KANSL1: variants seen among roughly 807,000 people sequenced by gnomAD.
The protein encoded by KANSL1 is MLL1/MLL complex subunit KANSL1.
A neutral mutation model predicts 103.6 loss-of-function variants in KANSL1; 22 were observed. The observed-to-expected ratio is 0.21, with a 90% CI of 0.15 to 0.30. The LOEUF (loss-of-function observed/expected upper bound fraction) is 0.30. Ranked by LOEUF, KANSL1 falls within the 10% of genes least tolerant of loss-of-function variation. KANSL1 has a pLI of 1.00. For synonymous variants in KANSL1, 600 were observed against 527.6 expected (o/e 1.14, Z -1.88); for missense variants, 1,337 against 1,399.8 (o/e 0.96, Z 0.72).
At chr17:46,200,144 A>G (rs193137282) in intron 1 of KANSL1, among the ~76,000 whole-genome samples, 1 of 152,334 alleles carries the variant, frequency 6.6e-6, no homozygotes, top group Admixed American at 6.5e-5. Context: ...AATAACTAGA[A>G]TGTGTGAACG....
chr17:46,116,147 T>G (rs1199923106), intron 2 of KANSL1, among the ~76,000 whole-genome samples: 1 of 152,248 alleles, frequency 6.6e-6, no homozygotes, highest in Non-Finnish European at 1.5e-5. Flanking sequence ...TAGGATTTTA[T>G]ACTTCACAAA....
At chr17:46,105,880 CACACACACACACAGAGCAAGGCCTTG>C (rs1400546046) in intron 2 of KANSL1, among the ~76,000 whole-genome samples, 8 of 95,236 alleles carry the variant, frequency 8.4e-5, no homozygotes, top group South Asian at 3.2e-4. Flanking sequence ...CACACACACA[CACACACACACACAGAGCAAGGCCTTG>C]ACACACACAC....
intron 6 of KANSL1, among the ~76,000 whole-genome samples, chr17:46,064,100 T>C (rs2078286182): frequency 7.1e-6 from 1 of 140,066 alleles, no homozygotes; most frequent in Admixed American, 7.2e-5. Flanking sequence ...GAAATGTCAA[T>C]ATGAAAACCC....
chr17:46,124,469 A>C (rs1364686883), intron 2 of KANSL1, among the ~76,000 whole-genome samples: 3 of 152,244 alleles, frequency 2.0e-5, no homozygotes, highest in Non-Finnish European at 4.4e-5. Flanking sequence ...TCCTGTTATC[A>C]TGCCTGTTAA....
chr17:46,181,459 C>T (rs140284402), intron 1 of KANSL1, among the ~76,000 whole-genome samples: 1 of 151,768 alleles, frequency 6.6e-6, no homozygotes, highest in Non-Finnish European at 1.5e-5. Context: ...GACAAAGTCT[C>T]GCTCTTGTCC....
chr17:46,181,444 T>C (rs933303584), intron 1 of KANSL1, among the ~76,000 whole-genome samples: 15 of 152,216 alleles, frequency 9.9e-5, no homozygotes, highest in Non-Finnish European at 2.2e-4. Flanking sequence ...TTTTTTTTTT[T>C]TTGAGACAAA....
Position 46,215,036 on chromosome 17 carries a change from C to G in KANSL1, c.-90+8635G>C, listed in dbSNP as rs553383795. 4.6e-5 allele frequency: 7 copies of G among 152,424 alleles called. No homozygotes were observed. The South Asian group carries it at 1.0e-3, about 23-fold the overall frequency. The allele number at this position is 152,424 out of a possible 1,614,324, so 9.4% of individuals were successfully genotyped here. On this transcript the variant is annotated intron_variant, in intron 1 of 14. Transcript: ENST00000572904. ...CAGAGGAAGCACTCAGTGTCAGCTACTGTTATTACTATTATCACTACTGTT... is the reference window on the plus strand; with the variant it reads ...CAGAGGAAGCACTCAGTGTCAGCTAGTGTTATTACTATTATCACTACTGTT...
At chr17:46,167,892 G>T (rs771358075) in intron 2 of KANSL1, among the ~76,000 whole-genome samples, 43 of 152,218 alleles carry the variant, frequency 2.8e-4, no homozygotes, top group Non-Finnish European at 5.1e-4. Flanking sequence ...TGAAGAAAGG[G>T]ATTATAATTT....
intron 2 of KANSL1, among the ~76,000 whole-genome samples, chr17:46,139,570 T>C (rs1011374640): frequency 1.3e-5 from 2 of 152,330 alleles, no homozygotes; most frequent in East Asian, 3.9e-4. Context: ...ACCCAGCCTT[T>C]GGAGTGATAT....
At position 46,171,749 on chromosome 17, in the gene KANSL1, T is replaced by G. The variant is rs1273044044; in HGVS notation, c.395A>C (p.Glu132Ala). 6.3e-7 allele frequency: 1 copy of G among 1,589,002 alleles called. No individual in the cohort carries two copies. Among genetic ancestry groups the G allele is most frequent in the South Asian group, 1.1e-5 (1 of 87,920 alleles). The change falls in exon 2 of 15, where the codon GAG becomes GCG. Residue 132 changes from glutamate to alanine, a missense_variant. Glu to Ala is a moderately radical substitution (Grantham distance 107). This residue lies in a region of KANSL1 where 557 missense variants were observed against 476.4 expected (regional missense o/e 1.17). Coordinates refer to ENST00000432791, the MANE Select transcript of KANSL1 (RefSeq NM_015443.4). ...AELLGRQPVL[E>A]FSLENLRTMN... ...GGTTCTAAGATTTTCTAAGGAAAAC[T>G]CCAAAACTGGCTGTCTCCCCAACAG...
At chr17:46,225,008 C>G (rs1483652861), upstream of KANSL1, 1 of 151,352 alleles carries the variant, frequency 6.6e-6, no homozygotes, top group Non-Finnish European at 1.5e-5. Context: ...AGGTCCGCTC[C>G]GCGCCCCCGG....
At chr17:46,101,201 G>A (rs1366550742) in intron 2 of KANSL1, among the ~76,000 whole-genome samples, 1 of 152,074 alleles carries the variant, frequency 6.6e-6, no homozygotes, top group Non-Finnish European at 1.5e-5. Flanking sequence ...GCAGGAATGA[G>A]AAATCTTGAA....
chr17:46,114,046 G>A lies in KANSL1; in HGVS notation c.1290-19345C>T, dbSNP rs188803362. Among the ~76,000 whole-genome samples, 12 of 152,244 alleles carry A rather than the reference G, an allele frequency of 7.9e-5. No homozygotes were observed. In the East Asian group the frequency reaches 2.1e-3, roughly 27 times the overall value. ...ATAAGCCAAGTCAGACTGTCAAACCGTTAAAGCAAACTGATAAGAAAAAGA... is the reference window on the plus strand; with the variant it reads ...ATAAGCCAAGTCAGACTGTCAAACCATTAAAGCAAACTGATAAGAAAAAGA... On this transcript the variant is annotated intron_variant, in intron 2 of 14. Coordinates refer to ENST00000432791, the MANE Select transcript of KANSL1 (RefSeq NM_015443.4).
At chr17:46,066,905 A>C (rs969359956) in intron 5 of KANSL1, among the ~76,000 whole-genome samples, 173 bp from the exon 6 acceptor site, 1 of 152,236 alleles carries the variant, frequency 6.6e-6, no homozygotes, top group Non-Finnish European at 1.5e-5. Flanking sequence ...GATGTCTGTT[A>C]ATCTACCTGT....
At chr17:46,095,810 G>T (rs1320084783) in intron 2 of KANSL1, among the ~76,000 whole-genome samples, 2 of 151,998 alleles carry the variant, frequency 1.3e-5, no homozygotes, top group Non-Finnish European at 2.9e-5. Flanking sequence ...ATATGTAACA[G>T]AACTCTCAGA....
At chr17:46,142,137 A>G (rs1398117631) in intron 2 of KANSL1, among the ~76,000 whole-genome samples, 1 of 152,240 alleles carries the variant, frequency 6.6e-6, no homozygotes, top group African/African-American at 2.4e-5. Flanking sequence ...GTACAAGGAA[A>G]TTTAAAATTC....
chr17:46,131,725 C>T (rs1310808314), intron 2 of KANSL1, among the ~76,000 whole-genome samples: 3 of 152,162 alleles, frequency 2.0e-5, no homozygotes, highest in African/African-American at 7.2e-5. Flanking sequence ...TAATAAGGGC[C>T]TAAATCATGC....
At chr17:46,197,606 G>A (rs141377131), upstream of KANSL1, among the ~76,000 whole-genome samples, 1 of 152,246 alleles carries the variant, frequency 6.6e-6, no homozygotes, top group Non-Finnish European at 1.5e-5. Flanking sequence ...TCACACCACT[G>A]CACTCCAGCC....
At chr17:46,186,270 C>T (rs905811186) in intron 1 of KANSL1, among the ~76,000 whole-genome samples, 5 of 151,594 alleles carry the variant, frequency 3.3e-5, no homozygotes, top group African/African-American at 9.7e-5. Context: ...GTAGTTCCAG[C>T]TACTCGGGAG....
Sources: allele counts gnomAD v4.1 joint callset (sites outside exome capture counted in the v4.1 genomes callset), GRCh38; gene constraint gnomAD v4.1.1; regional missense constraint gnomAD v4.1.1; transcripts MANE v1.5; gene names NCBI Gene and HGNC (gene_info 2026-07-23, HGNC 2026-07-21).